RIT2: variants seen among roughly 807,000 people sequenced by gnomAD.
RIT2 encodes GTP-binding protein Rit2.
A neutral mutation model predicts 23.7 loss-of-function variants in RIT2; 24 were observed. The observed-to-expected ratio is 1.01, with a 90% confidence interval of 0.73 to 1.43. RIT2 has a LOEUF of 1.43. Among genes scored for constraint, RIT2 ranks in the 40% most tolerant of loss-of-function variants. RIT2 has a pLI of 0.00. For synonymous variants in RIT2, 107 were observed against 91.1 expected (o/e 1.17, Z -0.99); for missense variants, 236 against 266.9 (o/e 0.88, Z 0.81).
intron 4 of RIT2, among the ~76,000 whole-genome samples, chr18:42,796,367 A>G (rs932369533): frequency 6.6e-6 from 1 of 152,170 alleles, no homozygotes; most frequent in Non-Finnish European, 1.5e-5. Context: ...AAACATCAGA[A>G]GGAACAAACT....
intron 4 of RIT2, among the ~76,000 whole-genome samples, chr18:42,790,397 T>G (rs552575512): frequency 6.6e-6 from 1 of 152,166 alleles, no homozygotes; most frequent in Admixed American, 6.5e-5. Flanking sequence ...GAAAAAAACA[T>G]TGGATGAGAA....
chr18:42,941,021 C>T (rs1909588584), intron 3 of RIT2, among the ~76,000 whole-genome samples: 1 of 152,074 alleles, frequency 6.6e-6, no homozygotes, highest in African/African-American at 2.4e-5. Flanking sequence ...AGGCTTGACA[C>T]TCAGGCTTCT....
chr18:42,991,992 C>A (rs901380989), intron 2 of RIT2, among the ~76,000 whole-genome samples: 1 of 151,962 alleles, frequency 6.6e-6, no homozygotes, highest in Non-Finnish European at 1.5e-5. Context: ...TATTTCTGCA[C>A]CCCGACCTCT....
chr18:42,813,401 G>T (rs10502800), intron 4 of RIT2, among the ~76,000 whole-genome samples: 4,207 of 152,144 alleles, frequency 0.028, 196 homozygotes, highest in African/African-American at 0.093. Flanking sequence ...AACAGCTTTA[G>T]AAAAGTATCA....
chr18:42,979,569 A>C (rs1910549502), intron 2 of RIT2, among the ~76,000 whole-genome samples: 2 of 152,276 alleles, frequency 1.3e-5, no homozygotes, highest in Admixed American at 1.3e-4. Context: ...ACTTGAATAA[A>C]TCATCTCAAT....
At position 42,966,732 on chromosome 18, in the gene RIT2, C is replaced by G. The variant is rs548392413; in HGVS notation, c.234+7342G>C. Among the ~76,000 whole-genome samples the G allele has an allele frequency of 5.9e-5, 9 of 152,078 alleles. No individual in the cohort carries two copies. The South Asian group carries it at 1.9e-3, about 32-fold the overall frequency. ...GTCAGGGAATGCCATGATTTTATTT[C>G]TTTTGTATCAATATGGAACAATCAA... On this transcript the variant is annotated intron_variant, in intron 3 of 4. Coordinates refer to ENST00000326695, the MANE Select transcript of RIT2 (RefSeq NM_002930.4).
At chr18:43,026,924 G>C (rs1361282736) in intron 2 of RIT2, among the ~76,000 whole-genome samples, 1 of 152,116 alleles carries the variant, frequency 6.6e-6, no homozygotes, top group African/African-American at 2.4e-5. Context: ...AAGACCAAAT[G>C]CAAGAAGACC....
rs75984987 is a variant in RIT2, at chr18:42,770,994, G to C, written c.427-27274C>G. The stretch of plus-strand genomic sequence containing the variant: ...TATGGAAGAATTGTGCAAATTGTAT[G>C]AACTGGCAATTGGATGCAGAATACA... On this transcript the variant is annotated intron_variant, in intron 4 of 4. Coordinates refer to ENST00000326695, the MANE Select transcript of RIT2 (RefSeq NM_002930.4). Among the ~76,000 whole-genome samples, 8 of 152,266 alleles carry C rather than the reference G, an allele frequency of 5.3e-5. No individual in the cohort carries two copies. In the East Asian group the frequency reaches 1.5e-3, roughly 29 times the overall value.
Position 42,916,341 on chromosome 18 carries a change from G to A in RIT2, c.426+7231C>T, listed in dbSNP as rs139942601. On this transcript the variant is annotated intron_variant, in intron 4 of 4. Coordinates refer to ENST00000326695, the MANE Select transcript of RIT2 (RefSeq NM_002930.4). ...GGCCAGTAATCTTTTGTATGTGTCT[G>A]TTGTCTATCTCCAGATTACTCACCT... 1.5e-3 allele frequency among the ~76,000 whole-genome samples: 221 copies of A among 152,140 alleles called. 3 individuals carry two copies. Among genetic ancestry groups the A allele is most frequent in the African/African-American group, 5.2e-3 (214 of 41,532 alleles).
intron 2 of RIT2, among the ~76,000 whole-genome samples, chr18:43,019,983 G>T (rs1025209866): frequency 3.3e-5 from 5 of 151,632 alleles, no homozygotes; most frequent in African/African-American, 4.8e-5. Flanking sequence ...AACCAAGGTG[G>T]TGAAAGACCT....
At chr18:43,039,593 C>A (rs572281040) in intron 1 of RIT2, among the ~76,000 whole-genome samples, 1 of 152,212 alleles carries the variant, frequency 6.6e-6, no homozygotes, top group East Asian at 1.9e-4. Context: ...GGTGATCCAC[C>A]CTCCTTGGCC....
intron 2 of RIT2, among the ~76,000 whole-genome samples, chr18:42,978,339 A>G (rs1324151157): frequency 6.6e-6 from 1 of 151,662 alleles, no homozygotes; most frequent in Non-Finnish European, 1.5e-5. Flanking sequence ...AGTGTCTATC[A>G]GAGTACACAT....
In RIT2 at chr18:43,089,989, C is replaced by A. The variant is rs991585810; in HGVS notation, c.103+25428G>T. Among the ~76,000 whole-genome samples the A allele has an allele frequency of 2.0e-5, 3 of 152,026 alleles. 1 individual carries two copies. The highest frequency in any genetic ancestry group is 2.0e-4 in the Admixed American group (3 of 15,228). ...TGGACCTAGGAATGGGCAAAAATTTCATGAGGAAGATGCCAAAAGCAATTG... is the reference window on the plus strand; with the variant it reads ...TGGACCTAGGAATGGGCAAAAATTTAATGAGGAAGATGCCAAAAGCAATTG... On this transcript the variant is annotated intron_variant, in intron 1 of 4. Coordinates refer to ENST00000326695, the MANE Select transcript of RIT2 (RefSeq NM_002930.4).
chr18:42,900,278 C>T (rs1438710779), intron 4 of RIT2, among the ~76,000 whole-genome samples: 2 of 151,986 alleles, frequency 1.3e-5, no homozygotes, highest in Non-Finnish European at 2.9e-5. Flanking sequence ...ATGGTATAGA[C>T]ACTTAATGAG....
At chr18:42,860,402 T>C (rs1598687469) in intron 4 of RIT2, among the ~76,000 whole-genome samples, 1 of 152,216 alleles carries the variant, frequency 6.6e-6, no homozygotes, top group East Asian at 1.9e-4. Context: ...TAAGTACTCA[T>C]AGAATTGTTG....
At chr18:42,774,455 T>G (rs746343707) in intron 4 of RIT2, among the ~76,000 whole-genome samples, 3 of 152,114 alleles carry the variant, frequency 2.0e-5, no homozygotes. Flanking sequence ...ACTGTATCAG[T>G]GTATCTATGA....
intron 3 of RIT2, among the ~76,000 whole-genome samples, chr18:42,931,730 T>C (rs1909331071): frequency 6.6e-6 from 1 of 152,152 alleles, no homozygotes; most frequent in Non-Finnish European, 1.5e-5. Flanking sequence ...GGAATGTGTC[T>C]TGGAAGAAGC....
chr18:42,989,069 G>C (rs1431456956), intron 2 of RIT2, among the ~76,000 whole-genome samples: 1 of 152,170 alleles, frequency 6.6e-6, no homozygotes, highest in African/African-American at 2.4e-5. Context: ...ATCTGACAGA[G>C]AGGGACATAA....
At chr18:43,048,639 T>C (rs1188986851) in intron 1 of RIT2, among the ~76,000 whole-genome samples, 3 of 152,136 alleles carry the variant, frequency 2.0e-5, no homozygotes, top group African/African-American at 7.2e-5. Context: ...TTGATAAACA[T>C]TTACTGAGTT....
Sources: gnomAD v4.1 joint callset for allele counts (sites outside exome capture counted in the v4.1 genomes callset) on GRCh38, gnomAD v4.1.1 for gene constraint, MANE v1.5 for transcripts, NCBI Gene and HGNC (gene_info 2026-07-23, HGNC 2026-07-21) for gene names.